Variants in SKP2 observed in about 807,000 individuals in gnomAD.
The protein encoded by SKP2 is S-phase kinase-associated protein 2.
Under a neutral mutation model 51.8 loss-of-function variants are expected in SKP2, and 16 were observed. The ratio of observed to expected loss-of-function variants is 0.31; its 90% CI spans 0.21 to 0.47. The LOEUF is 0.47. Ranked by LOEUF, SKP2 falls within the 20% of genes least tolerant of loss-of-function variation. The pLI, the probability that SKP2 is intolerant of heterozygous loss-of-function variation, is 1.00. For synonymous variants in SKP2, 176 were observed against 198.6 expected, an observed-to-expected ratio of 0.89 and a Z score of 0.96; for missense variants, 377 against 505.3, an observed-to-expected ratio of 0.75 and a Z score of 2.43.
At chr5:36,175,962 A>T (rs1338697201) in intron 7 of SKP2, among the ~76,000 whole-genome samples, 1 of 151,988 alleles carries the variant, frequency 6.6e-6, no homozygotes, top group Admixed American at 6.6e-5. Context: ...AAAAAAAGAA[A>T]ATCAGTTCAC....
chr5:36,177,411 A>G (rs752731418), intron 9 of SKP2, 119 bp downstream of exon 9: 1 of 748,446 alleles, frequency 1.3e-6, no homozygotes, highest in South Asian at 1.4e-5. Context: ...TAATAAGTAT[A>G]CCACAGACTG....
intron 9 of SKP2, chr5:36,177,562 G>A (rs1561540472): frequency 2.4e-6 from 1 of 418,260 alleles, no homozygotes; most frequent in Non-Finnish European, 4.5e-6. Context: ...ACTTAGCAGA[G>A]AAGCAGAAGA....
intron 6 of SKP2, among the ~76,000 whole-genome samples, chr5:36,190,133 C>G (rs1249919790): frequency 6.6e-6 from 1 of 152,140 alleles, no homozygotes. Context: ...CTTCCCTTGG[C>G]TAGGAAAGGG....
chr5:36,180,989 A>C (rs1187921215), intron 9 of SKP2, among the ~76,000 whole-genome samples: 1 of 152,174 alleles, frequency 6.6e-6, no homozygotes, highest in African/African-American at 2.4e-5. Context: ...GTTAAGAAGG[A>C]AAAAATCATT....
downstream of SKP2, among the ~76,000 whole-genome samples, chr5:36,186,015 A>G (rs1407837987): frequency 2.6e-5 from 4 of 152,166 alleles, no homozygotes; most frequent in Non-Finnish European, 4.4e-5. Flanking sequence ...CTTTGAAGCA[A>G]TTGTGAATGG....
Position 36,152,160 on chromosome 5 carries a change from C to CGAGCAGCACGCTCG in SKP2, c.-98_-85dup. ...TTAGCGGGTCTGGCTGCTGGGGGCC[C>CGAGCAGCACGCTCG]GAGCAGCACGCTCGGAGCCGCCGCG... On this transcript the variant is annotated 5_prime_UTR_variant, in exon 1 of 10. Transcript: ENST00000274255. 8.0e-7 allele frequency: 1 copy of CGAGCAGCACGCTCG among 1,249,306 alleles called. No individual in the cohort carries two copies. The highest frequency in any genetic ancestry group is 1.2e-5 in the South Asian group (1 of 83,218). The allele number at this position is 1,249,306 out of a possible 1,614,324, so 77.4% of individuals were successfully genotyped here.
chr5:36,178,777 G>A (rs753473806), intron 9 of SKP2, among the ~76,000 whole-genome samples: 8 of 151,912 alleles, frequency 5.3e-5, no homozygotes, highest in South Asian at 2.1e-4. Flanking sequence ...TCTTGCTTTT[G>A]TTCCTTCTCT....
intron 7 of SKP2, among the ~76,000 whole-genome samples, chr5:36,175,821 A>G (rs1745615518): frequency 6.6e-6 from 1 of 152,084 alleles, no homozygotes; most frequent in African/African-American, 2.4e-5. Flanking sequence ...TGAGGTTAAC[A>G]TATTAAACTA....
chr5:36,172,390 A>G (rs2111990228), intron 7 of SKP2, among the ~76,000 whole-genome samples: 1 of 152,352 alleles, frequency 6.6e-6, no homozygotes, highest in Non-Finnish European at 1.5e-5. Context: ...GCAGTCTTTA[A>G]AAACCTTAAT....
At chr5:36,187,350 C>T (rs1446884852), downstream of SKP2, among the ~76,000 whole-genome samples, 1 of 152,170 alleles carries the variant, frequency 6.6e-6, no homozygotes. Context: ...CTAGATCTTT[C>T]CTGCTTTCTC....
In SKP2 at chr5:36,184,092, ATTTG is replaced by A; in HGVS notation, c.*2062_*2065del. On this transcript the variant is annotated 3_prime_UTR_variant, in exon 10 of 10. Coordinates refer to ENST00000274255, the MANE Select transcript of SKP2 (RefSeq NM_005983.4). ...TCTTTTTTTAAGTGCTGTGGTTAAA[ATTTG>A]AAAGCATTTAGTGTGGTATGCCATT... 1 of 754,574 alleles carries A rather than the reference ATTTG, an allele frequency of 1.3e-6. No individual in the cohort carries two copies. Among genetic ancestry groups the A allele is most frequent in the Non-Finnish European group, 2.1e-6 (1 of 470,778 alleles). The allele number at this position is 754,574 out of a possible 1,614,324, so 46.7% of individuals were successfully genotyped here.
rs779625385 is a variant in SKP2 at position 36,168,497 on chromosome 5, A to T, written c.671+50A>T. 7 of 1,588,830 alleles carry T rather than the reference A, an allele frequency of 4.4e-6. No individual in the cohort carries two copies. In the Admixed American group the frequency reaches 8.3e-5, roughly 19 times the overall value. ...AAGGCAGTTGATTTTATGTGTATGA[A>T]TTTTTTTCCCTGTATATAACTGGGG... is the stretch of plus-strand genomic sequence containing the variant. On this transcript the variant is annotated intron_variant, in intron 5 of 9. Coordinates refer to ENST00000274255, the MANE Select transcript of SKP2 (RefSeq NM_005983.4).
intron 3 of SKP2, among the ~76,000 whole-genome samples, chr5:36,165,139 T>C (rs1745246221): frequency 6.6e-6 from 1 of 152,210 alleles, no homozygotes. Flanking sequence ...ACAGGTGCAG[T>C]GTTTGCAATT....
downstream of SKP2, among the ~76,000 whole-genome samples, chr5:36,186,839 T>A (rs1745960324): frequency 6.6e-6 from 1 of 152,202 alleles, no homozygotes; most frequent in South Asian, 2.1e-4. Context: ...TCCTTGTACC[T>A]CTGGTAGAAT....
chr5:36,174,261 C>T (rs1180084099), intron 7 of SKP2, among the ~76,000 whole-genome samples: 1 of 152,070 alleles, frequency 6.6e-6, no homozygotes, highest in Non-Finnish European at 1.5e-5. Context: ...CAGGTTGGGT[C>T]TACTGTTTAT....
At chr5:36,162,685 C>G (rs1228062969) in intron 2 of SKP2, among the ~76,000 whole-genome samples, 1 of 152,170 alleles carries the variant, frequency 6.6e-6, no homozygotes, top group Non-Finnish European at 1.5e-5. Flanking sequence ...TGACAATACC[C>G]TTTTGTATTG....
intron 2 of SKP2, among the ~76,000 whole-genome samples, chr5:36,162,932 C>T (rs10072305): frequency 0.024 from 3,718 of 152,214 alleles, 71 homozygotes; most frequent in South Asian, 0.062. Flanking sequence ...GTCGGGGAAG[C>T]CACTTGTAAA....
At chr5:36,166,900 G>C (rs1377553864) in intron 4 of SKP2, among the ~76,000 whole-genome samples, 1 of 152,020 alleles carries the variant, frequency 6.6e-6, no homozygotes, top group Non-Finnish European at 1.5e-5. Flanking sequence ...CAGGGTGAAA[G>C]AGGCACATTT....
intron 6 of SKP2, among the ~76,000 whole-genome samples, chr5:36,190,896 T>C (rs1467602662): frequency 6.6e-6 from 1 of 152,152 alleles, no homozygotes; most frequent in Non-Finnish European, 1.5e-5. Context: ...CCTGAAGCAT[T>C]GTATATCAAG....
Sources: gnomAD v4.1 joint callset for allele counts (sites outside exome capture counted in the v4.1 genomes callset) on GRCh38, gnomAD v4.1.1 for gene constraint, MANE v1.5 for transcripts, NCBI Gene and HGNC (gene_info 2026-07-23, HGNC 2026-07-21) for gene names.